TMEFF2: variants seen among roughly 807,000 people sequenced by gnomAD.
TMEFF2 encodes transmembrane protein with EGF like and two follistatin like domains 2, also known as tomoregulin-2.
A neutral mutation model predicts 53.8 loss-of-function variants in TMEFF2; 28 were observed. The observed-to-expected ratio is 0.52, with a 90% CI of 0.39 to 0.71. TMEFF2 has a LOEUF of 0.71. TMEFF2 is among the 30% of genes least tolerant of loss of function. The pLI is 0.00. For missense variants in TMEFF2, 353 were observed against 455.2 expected (o/e 0.78, Z 2.04); for synonymous variants, 162 against 166.3 (o/e 0.97, Z 0.20).
chr2:192,177,916 C>G (rs1265602377), intron 4 of TMEFF2: 1 of 150,604 alleles, frequency 6.6e-6, no homozygotes, highest in Non-Finnish European at 1.5e-5. Flanking sequence ...TGAATGAAAA[C>G]TAGAAACTAG....
chr2:192,105,758 C>G (rs1365388674), intron 4 of TMEFF2, among the ~76,000 whole-genome samples: 3 of 151,836 alleles, frequency 2.0e-5, no homozygotes, highest in Non-Finnish European at 4.4e-5. Flanking sequence ...AAAAAGGATC[C>G]AAGTTATTAT....
intron 1 of TMEFF2, among the ~76,000 whole-genome samples, chr2:192,193,567 G>T (rs553500454): frequency 1.4e-4 from 22 of 152,180 alleles, no homozygotes; most frequent in African/African-American, 5.1e-4. Context: ...CCCTCGGCTC[G>T]CCTACATGGA....
chr2:192,062,321 G>A (rs1444845165), intron 4 of TMEFF2, among the ~76,000 whole-genome samples: 2 of 152,138 alleles, frequency 1.3e-5, no homozygotes, highest in Non-Finnish European at 2.9e-5. Flanking sequence ...GTAGTTGCAT[G>A]TATCAATAGT....
intron 4 of TMEFF2, among the ~76,000 whole-genome samples, chr2:192,150,100 T>C (rs1038082917): frequency 1.3e-5 from 2 of 152,102 alleles, no homozygotes; most frequent in Admixed American, 1.3e-4. Flanking sequence ...TTTATATACA[T>C]CATTTTAAAA....
intron 4 of TMEFF2, among the ~76,000 whole-genome samples, chr2:192,146,621 A>T (rs571750943): frequency 6.6e-6 from 1 of 152,142 alleles, no homozygotes; most frequent in East Asian, 1.9e-4. Context: ...AGCTTTATAG[A>T]GGCCCATAGA....
chr2:191,950,245 T>G lies in TMEFF2; in HGVS notation c.*66A>C. 7.9e-7 allele frequency: 1 copy of G among 1,265,954 alleles called. No homozygotes were observed. The highest frequency in any genetic ancestry group is 1.0e-6 in the Non-Finnish European group (1 of 995,112). 78.4% of individuals were successfully genotyped at this position (1,265,954 alleles called of 1,614,324 possible). A position where few individuals can be genotyped will look rare whatever the true frequency, so the allele number is the denominator to read the frequency against. ...GTGTAGATCTCTTGTCTTATTCTTT[T>G]GTCTATAATACTGTATTGTGTAGTC... On this transcript the variant is annotated 3_prime_UTR_variant, in exon 10 of 10. Coordinates refer to ENST00000272771, the MANE Select transcript of TMEFF2 (RefSeq NM_016192.4).
At chr2:192,174,433 C>G (rs1283502586) in intron 4 of TMEFF2, among the ~76,000 whole-genome samples, 1 of 151,644 alleles carries the variant, frequency 6.6e-6, no homozygotes, top group African/African-American at 2.4e-5. Flanking sequence ...TGTTTGCTTT[C>G]TATATTTTTC....
chr2:192,090,166 A>G (rs74845262), intron 4 of TMEFF2, among the ~76,000 whole-genome samples: 2,017 of 152,170 alleles, frequency 0.013, 19 homozygotes, highest in Non-Finnish European at 0.024. Context: ...AATCTTTCAG[A>G]TTGGGGTCAT....
In TMEFF2 at chr2:192,035,807, C is replaced by T. The variant is rs569776804; in HGVS notation, c.536+21872G>A. On this transcript the variant is annotated intron_variant, in intron 5 of 9. Transcript: ENST00000272771. Reference sequence around the variant, plus strand: ...TGGTTCTGCCTTTTATCAGCTGAATCAGAACATAACTTTCTCTCACCACCT... The same window carrying T: ...TGGTTCTGCCTTTTATCAGCTGAATTAGAACATAACTTTCTCTCACCACCT... Among the ~76,000 whole-genome samples, 5 of 152,324 alleles carry T rather than the reference C, an allele frequency of 3.3e-5. No homozygotes were observed. The South Asian group carries it at 1.0e-3, about 32-fold the overall frequency.
At chr2:191,953,962 C>T in intron 8 of TMEFF2, 125 bp from the exon 9 acceptor site, 1 of 813,170 alleles carries the variant, frequency 1.2e-6, no homozygotes, top group Non-Finnish European at 1.7e-6. Flanking sequence ...CATCTCGGCT[C>T]ACTGCAAGTT....
At chr2:192,085,711 A>T (rs74613869) in intron 4 of TMEFF2, among the ~76,000 whole-genome samples, 1 of 145,952 alleles carries the variant, frequency 6.9e-6, no homozygotes, top group Non-Finnish European at 1.5e-5. Context: ...AGAAGCAGGA[A>T]AAAAAAAAAA....
At chr2:192,038,887 A>C (rs1687400991) in intron 5 of TMEFF2, among the ~76,000 whole-genome samples, 1 of 152,184 alleles carries the variant, frequency 6.6e-6, no homozygotes, top group South Asian at 2.1e-4. Context: ...ACAGTTTTTA[A>C]TATCCACACT....
chr2:192,107,018 T>TA (rs1201581417), intron 4 of TMEFF2, among the ~76,000 whole-genome samples: 1 of 151,644 alleles, frequency 6.6e-6, no homozygotes, highest in Non-Finnish European at 1.5e-5. Flanking sequence ...TAAGGCAGAG[T>TA]AAAATGTACG....
At chr2:192,132,934 C>T (rs985686350) in intron 4 of TMEFF2, among the ~76,000 whole-genome samples, 25 of 152,194 alleles carry the variant, frequency 1.6e-4, no homozygotes, top group Non-Finnish European at 2.6e-4. Context: ...CCATCACAAA[C>T]GCCAAGCTTC....
At chr2:192,158,328 G>C (rs149798661) in intron 4 of TMEFF2, among the ~76,000 whole-genome samples, 531 of 151,542 alleles carry the variant, frequency 3.5e-3, no homozygotes, top group East Asian at 0.011. Context: ...TTATATCTCT[G>C]ATATATTGTG....
intron 7 of TMEFF2, among the ~76,000 whole-genome samples, chr2:191,964,229 T>TTTCCTTCC (rs138916856): frequency 2.1e-5 from 3 of 140,802 alleles, no homozygotes; most frequent in African/African-American, 8.2e-5. Flanking sequence ...TCTGTCTTTC[T>TTTCCTTCC]TTCCTTCCTT....
chr2:191,994,514 A>T (rs1274299715), intron 7 of TMEFF2, among the ~76,000 whole-genome samples: 2 of 151,894 alleles, frequency 1.3e-5, no homozygotes, highest in Non-Finnish European at 2.9e-5. Flanking sequence ...TACTGGATAA[A>T]GAAAAACAAA....
chr2:192,104,371 C>A (rs1167550936), intron 4 of TMEFF2, among the ~76,000 whole-genome samples: 1 of 152,032 alleles, frequency 6.6e-6, no homozygotes, highest in Admixed American at 6.6e-5. Context: ...GGTTAGTTTT[C>A]TTTGAGTGAA....
intron 5 of TMEFF2, among the ~76,000 whole-genome samples, chr2:192,046,596 A>T (rs1206184393): frequency 1.3e-5 from 2 of 152,026 alleles, no homozygotes; most frequent in Non-Finnish European, 2.9e-5. Flanking sequence ...TCACTAGAAA[A>T]TTTTTTGCTT....
Sources: allele counts gnomAD v4.1 joint callset (sites outside exome capture counted in the v4.1 genomes callset), GRCh38; gene constraint gnomAD v4.1.1; transcripts MANE v1.5; gene names NCBI Gene and HGNC (gene_info 2026-07-23, HGNC 2026-07-21).